The following POLK variants were observed in gnomAD, a reference collection of about 807,000 sequenced individuals.
The protein encoded by POLK is polymerase (DNA directed) kappa.
A neutral mutation model predicts 94.0 loss-of-function variants in POLK; 76 were observed. The observed-to-expected ratio is 0.81, with a 90% CI of 0.67 to 0.98. The LOEUF (loss-of-function observed/expected upper bound fraction) is 0.98. Ranked by LOEUF, POLK falls within the 50% of genes least tolerant of loss-of-function variation. POLK has a pLI of 0.00. For synonymous variants in POLK, 349 were observed against 325.4 expected (o/e 1.07, Z -0.78); for missense variants, 954 against 1,010.1 (o/e 0.94, Z 0.75).
At chr5:75,579,813 G>A (rs1944556197) in intron 6 of POLK, among the ~76,000 whole-genome samples, 1 of 151,854 alleles carries the variant, frequency 6.6e-6, no homozygotes, top group South Asian at 2.1e-4. Context: ...TTAGGAGGCT[G>A]AGGTGGGAGG....
intron 3 of POLK, among the ~76,000 whole-genome samples, chr5:75,559,508 T>TTC (rs1770846227): frequency 6.8e-6 from 1 of 146,996 alleles, no homozygotes; most frequent in Middle Eastern, 3.5e-3. Context: ...GGGGTTTGTT[T>TTC]TTTTGTTTTG....
intron 1 of POLK, among the ~76,000 whole-genome samples, chr5:75,518,002 G>GT (rs1327926176): frequency 6.6e-6 from 1 of 152,148 alleles, no homozygotes; most frequent in East Asian, 1.9e-4. Context: ...TGATCATGAT[G>GT]AAGGATCTTA....
intron 1 of POLK, chr5:75,512,882 C>G (rs1037880938): frequency 1.2e-4 from 18 of 152,296 alleles, no homozygotes; most frequent in Non-Finnish European, 2.3e-4. Flanking sequence ...AATCCCAGCA[C>G]TTCGGGAGGC....
At chr5:75,534,558 A>C (rs985670943) in intron 1 of POLK, among the ~76,000 whole-genome samples, 4 of 152,150 alleles carry the variant, frequency 2.6e-5, no homozygotes, top group Admixed American at 2.6e-4. Flanking sequence ...TAATATTATC[A>C]GTGGGGTGTT....
chr5:75,522,066 A>G (rs914143867), intron 1 of POLK, among the ~76,000 whole-genome samples: 18 of 152,240 alleles, frequency 1.2e-4, no homozygotes, highest in African/African-American at 4.3e-4. Context: ...TGCCTTCCCC[A>G]TCTGTCTCTG....
chr5:75,576,740 A>G (rs532582573), intron 5 of POLK, 40 bp from the exon 6 acceptor site: 6 of 1,213,166 alleles, frequency 4.9e-6, no homozygotes, highest in South Asian at 4.1e-5. Flanking sequence ...GAAGTTTGCT[A>G]TCACAGCAAA....
At chr5:75,536,917 A>G (rs181282898) in intron 1 of POLK, among the ~76,000 whole-genome samples, 1 of 152,046 alleles carries the variant, frequency 6.6e-6, no homozygotes, top group African/African-American at 2.4e-5. Context: ...CTGTCCCAGC[A>G]TTTCTTGGGA....
At chr5:75,598,046 A>T in exon 15 of POLK, 1 of 858,360 alleles carries the variant, frequency 1.2e-6, no homozygotes, top group Non-Finnish European at 1.8e-6. Flanking sequence ...ATTAATTTTT[A>T]ATTGAAACTA....
intron 3 of POLK, among the ~76,000 whole-genome samples, chr5:75,563,413 C>G (rs1195600488): frequency 6.6e-6 from 1 of 151,988 alleles, no homozygotes; most frequent in African/African-American, 2.4e-5. Context: ...TTGCTCTGAT[C>G]TCAGTTATTT....
intron 1 of POLK, among the ~76,000 whole-genome samples, chr5:75,536,719 G>A (rs1024674291): frequency 6.6e-6 from 1 of 152,052 alleles, no homozygotes; most frequent in African/African-American, 2.4e-5. Flanking sequence ...AGCATGTGTT[G>A]CCCCCCAGCT....
upstream of POLK, chr5:75,511,593 C>T (rs1007220739): frequency 8.2e-6 from 12 of 1,465,950 alleles, no homozygotes; most frequent in Non-Finnish European, 1.1e-5. Flanking sequence ...CTCACACCTC[C>T]GCTACCGCCG....
intron 4 of POLK, among the ~76,000 whole-genome samples, chr5:75,571,111 C>T (rs763595536): frequency 2.6e-5 from 4 of 152,234 alleles, no homozygotes; most frequent in South Asian, 4.1e-4. Flanking sequence ...TTCTTTCCTA[C>T]AATTTCTGTC....
chr5:75,541,975 T>G (rs1401483336), intron 1 of POLK, among the ~76,000 whole-genome samples: 1 of 152,214 alleles, frequency 6.6e-6, no homozygotes, highest in East Asian at 1.9e-4. Flanking sequence ...AAAGGAAATT[T>G]TAAAGTAGAT....
intron 3 of POLK, among the ~76,000 whole-genome samples, chr5:75,559,729 A>C (rs1342390242): frequency 6.6e-6 from 1 of 151,602 alleles, no homozygotes; most frequent in Non-Finnish European, 1.5e-5. Flanking sequence ...TCGTAGAGAC[A>C]GGATCTCACT....
At chr5:75,512,519 T>G (rs1768093303) in intron 1 of POLK, 1 of 152,216 alleles carries the variant, frequency 6.6e-6, no homozygotes, top group Admixed American at 6.5e-5. Context: ...ATATAGAAAC[T>G]TTCTCGTATT....
At chr5:75,571,636 T>C (rs1197152544) in intron 4 of POLK, among the ~76,000 whole-genome samples, 1 of 152,192 alleles carries the variant, frequency 6.6e-6, no homozygotes, top group Admixed American at 6.6e-5. Context: ...TGCTTCAACA[T>C]TTAGTAATCT....
chr5:75,587,007 C>CTT lies in POLK; in HGVS notation c.1227-11_1227-10dup. 3.3e-6 allele frequency: 5 copies of CTT among 1,503,256 alleles called. No homozygotes were observed. The highest frequency in any genetic ancestry group is 4.5e-6 in the Non-Finnish European group (5 of 1,107,850). 93.1% of individuals were successfully genotyped at this position (1,503,256 alleles called of 1,614,324 possible). On this transcript the variant is annotated intron_variant, in intron 9 of 14. Transcript: ENST00000241436. ...AACTCAGTCTTTGAAAAATAAAGAC[C>CTT]TTTTTTTTTCATTTCAAGGGATGGA...
intron 1 of POLK, among the ~76,000 whole-genome samples, chr5:75,532,636 G>C (rs1431158819): frequency 6.6e-6 from 1 of 152,160 alleles, no homozygotes; most frequent in Non-Finnish European, 1.5e-5. Flanking sequence ...TGGTAATTCT[G>C]TTTTAAGTTC....
chr5:75,605,118 T>C (rs369468658), downstream of POLK, among the ~76,000 whole-genome samples: 24 of 146,830 alleles, frequency 1.6e-4, no homozygotes, highest in South Asian at 6.7e-4. Context: ...TGTATACACA[T>C]ACACACACAC....
Sources: allele counts gnomAD v4.1 joint callset (sites outside exome capture counted in the v4.1 genomes callset), GRCh38; gene constraint gnomAD v4.1.1; transcripts MANE v1.5; gene names NCBI Gene and HGNC (gene_info 2026-07-23, HGNC 2026-07-21).